RGS22: variants seen among roughly 807,000 people sequenced by gnomAD.
RGS22 encodes the protein regulator of G protein signaling 22.
A neutral mutation model predicts 172.9 loss-of-function variants in RGS22; 148 were observed. The ratio of observed to expected loss-of-function variants is 0.86; its 90% CI spans 0.75 to 0.98. The LOEUF is 0.98. Ranked by LOEUF, RGS22 falls within the 50% of genes least tolerant of loss-of-function variation. RGS22 has a pLI of 0.00. For synonymous variants in RGS22, 458 were observed against 480.2 expected (o/e 0.95, Z 0.60); for missense variants, 1,347 against 1,440.8 (o/e 0.93, Z 1.05).
intron 12 of RGS22, among the ~76,000 whole-genome samples, chr8:100,040,315 T>C (rs998270066): frequency 3.9e-5 from 6 of 152,188 alleles, no homozygotes; most frequent in Admixed American, 1.3e-4. Flanking sequence ...TATAAACCAA[T>C]CTGATTTTAA....
In RGS22 at chr8:100,002,215, T is replaced by C. The variant is rs1165414198; in HGVS notation, c.2777A>G (p.Tyr926Cys). Residue 926 changes from tyrosine (Y) to cysteine (C), a missense_variant, in exon 18 of 28, where the codon TAT (tyrosine) becomes TGT (cysteine). Coordinates refer to ENST00000360863, the MANE Select transcript of RGS22 (RefSeq NM_015668.5). Reference sequence around the variant, plus strand: ...GCATGTTGATACCTGGTTCTGCTGATACAGAGAAGCTGGACTGTTGGGTCC... The same window carrying C: ...GCATGTTGATACCTGGTTCTGCTGACACAGAGAAGCTGGACTGTTGGGTCC... ...FFGPNSPASL[Y>C]QQNQVMHLSG... 1 of 1,588,986 alleles carries C rather than the reference T, an allele frequency of 6.3e-7. No individual in the cohort carries two copies. The highest frequency in any genetic ancestry group is 8.5e-7 in the Non-Finnish European group (1 of 1,172,250).
intron 7 of RGS22, among the ~76,000 whole-genome samples, chr8:100,064,454 C>T (rs1392201774): frequency 6.6e-6 from 1 of 151,574 alleles, no homozygotes; most frequent in Non-Finnish European, 1.5e-5. Context: ...TAGAGCAAGA[C>T]TCTGTCTCAA....
At chr8:100,087,208 C>T (rs1812228543) in intron 3 of RGS22, among the ~76,000 whole-genome samples, 6 of 152,112 alleles carry the variant, frequency 3.9e-5, no homozygotes, top group Admixed American at 3.9e-4. Flanking sequence ...CTCCAAAATG[C>T]TAAGTTGGCT....
At chr8:99,976,718 T>C (rs1167581804) in intron 23 of RGS22, among the ~76,000 whole-genome samples, 2 of 152,168 alleles carry the variant, frequency 1.3e-5, no homozygotes, top group African/African-American at 4.8e-5. Flanking sequence ...TGACTGCTCC[T>C]AGATATAGGG....
chr8:99,977,351 G>C (rs1812084406), intron 23 of RGS22, among the ~76,000 whole-genome samples: 1 of 140,088 alleles, frequency 7.1e-6, no homozygotes, highest in African/African-American at 2.7e-5. Context: ...GCGAACTCCT[G>C]AGCTCAGGCA....
chr8:100,015,626 A>G (rs948850453), intron 14 of RGS22, among the ~76,000 whole-genome samples: 9 of 152,150 alleles, frequency 5.9e-5, no homozygotes, highest in African/African-American at 2.2e-4. Flanking sequence ...CATTCATAGT[A>G]TAATTTTTGA....
intron 19 of RGS22, 26 bp downstream of exon 19, chr8:99,999,236 T>G: frequency 6.2e-7 from 1 of 1,602,240 alleles, no homozygotes; most frequent in Non-Finnish European, 8.5e-7. Context: ...ACAACTGCTA[T>G]CAAAAGATTA....
intron 3 of RGS22, among the ~76,000 whole-genome samples, chr8:100,088,072 A>G (rs927286443): frequency 6.6e-6 from 1 of 152,054 alleles, no homozygotes; most frequent in African/African-American, 2.4e-5. Context: ...CATCCCATGC[A>G]TTCCCCCAAA....
rs145551589 is a variant in RGS22, at chr8:100,083,429, G to A, written c.118-3074C>T. On this transcript the variant is annotated intron_variant, in intron 3 of 27. Transcript: ENST00000360863. The stretch of plus-strand genomic sequence containing the variant: ...TGTCCTCAGGCTGGAGTGCAGTGGC[G>A]TGATCTCGGCTCACTGCAACCTCTG... Among the ~76,000 whole-genome samples the A allele has an allele frequency of 1.8e-3, 271 of 152,142 alleles. 1 individual carries two copies. Among genetic ancestry groups the A allele is most frequent in the Non-Finnish European group, 3.0e-3 (203 of 67,992 alleles).
intron 10 of RGS22, among the ~76,000 whole-genome samples, chr8:100,051,873 ATTTATATATTTATATATAAATG>A (rs1423877990): frequency 0.016 from 805 of 51,454 alleles, 238 homozygotes; most frequent in Middle Eastern, 0.042. Flanking sequence ...ATGTTTATAT[ATTTATATATTTATATATAAATG>A]TTTATATATT....
intron 23 of RGS22, among the ~76,000 whole-genome samples, chr8:99,972,781 C>T (rs1447118797): frequency 2.0e-5 from 3 of 152,030 alleles, no homozygotes; most frequent in Non-Finnish European, 4.4e-5. Flanking sequence ...CGCCTGTAAT[C>T]CCAGCACTTT....
intron 23 of RGS22, among the ~76,000 whole-genome samples, chr8:99,967,014 C>T (rs1810810388): frequency 6.6e-6 from 1 of 152,180 alleles, no homozygotes. Flanking sequence ...TGCATTTTCT[C>T]CTGAGGTACT....
chr8:100,092,021 A>C (rs1028466688), intron 3 of RGS22: 4 of 151,668 alleles, frequency 2.6e-5, no homozygotes, highest in African/African-American at 9.7e-5. Context: ...AAATTATTTT[A>C]GAAAAATAAA....
intron 14 of RGS22, among the ~76,000 whole-genome samples, chr8:100,011,183 A>T (rs1356978652): frequency 6.6e-6 from 1 of 152,226 alleles, no homozygotes; most frequent in East Asian, 1.9e-4. Flanking sequence ...CAGAGCATGA[A>T]TATGATCTTT....
At chr8:99,990,882 G>T (rs1312474270) in intron 20 of RGS22, among the ~76,000 whole-genome samples, 1 of 152,180 alleles carries the variant, frequency 6.6e-6, no homozygotes, top group Non-Finnish European at 1.5e-5. Context: ...CATATAGGCA[G>T]CTACCCCTCT....
intron 2 of RGS22, among the ~76,000 whole-genome samples, chr8:100,096,663 TAAA>T (rs545113362): frequency 2.2e-5 from 3 of 135,270 alleles, no homozygotes; most frequent in Non-Finnish European, 4.6e-5. Context: ...TTAGCTAATT[TAAA>T]AAAAATTTTT....
At chr8:100,051,411 T>A (rs1177092184) in intron 10 of RGS22, among the ~76,000 whole-genome samples, 3 of 123,164 alleles carry the variant, frequency 2.4e-5, no homozygotes, top group Non-Finnish European at 4.9e-5. Context: ...ATATATTTAT[T>A]ATATATATAT....
At position 99,962,375 on chromosome 8, in the gene RGS22, C is replaced by CT; in HGVS notation, c.*45+18_*45+19insA. 10 of 1,562,486 alleles carry CT rather than the reference C, an allele frequency of 6.4e-6. No homozygotes were observed. In the South Asian group the frequency reaches 1.0e-4, roughly 16 times the overall value. On this transcript the variant is annotated intron_variant, in intron 27 of 27. Coordinates refer to ENST00000360863, the MANE Select transcript of RGS22 (RefSeq NM_015668.5). The stretch of plus-strand genomic sequence containing the variant: ...CGAGGACATGTGTGGGACCAACCAA[C>CT]ATTCAGACTATGACGTACCTTGAAC...
intron 3 of RGS22, 31 bp from the exon 4 acceptor site, chr8:100,080,386 T>C (rs1811666820): frequency 1.3e-6 from 2 of 1,504,020 alleles, no homozygotes; most frequent in East Asian, 4.6e-5. Flanking sequence ...AATTAAAACA[T>C]TTTTTAAACC....
Sources: gnomAD v4.1 joint callset for allele counts (sites outside exome capture counted in the v4.1 genomes callset) on GRCh38, gnomAD v4.1.1 for gene constraint, MANE v1.5 for transcripts, NCBI Gene and HGNC (gene_info 2026-07-23, HGNC 2026-07-21) for gene names.